SMPDL3B: variants seen among roughly 807,000 people sequenced by gnomAD.
SMPDL3B encodes acid sphingomyelinase-like phosphodiesterase 3b.
In SMPDL3B, 31 loss-of-function variants were observed where a neutral mutation model predicts 37.9. The ratio of observed to expected loss-of-function variants is 0.82; its 90% CI spans 0.61 to 1.10. SMPDL3B has a LOEUF of 1.10. Ranked by LOEUF, SMPDL3B falls within the 50% of genes least tolerant of loss-of-function variation. SMPDL3B has a pLI of 0.00. For missense variants in SMPDL3B, 525 were observed against 597.8 expected (o/e 0.88, Z 1.27); for synonymous variants, 235 against 242.6 (o/e 0.97, Z 0.29).
intron 1 of SMPDL3B, among the ~76,000 whole-genome samples, chr1:27,939,405 C>T (rs1165336523): frequency 6.6e-6 from 1 of 152,020 alleles, no homozygotes; most frequent in Non-Finnish European, 1.5e-5. Flanking sequence ...GGCTGGAGTG[C>T]GGTGCTGCAA....
Position 27,946,478 on chromosome 1 carries a change from C to A in SMPDL3B, c.275+1033C>A, listed in dbSNP as rs370691158. The stretch of plus-strand genomic sequence containing the variant: ...TGCTAGGGATCTGAGATGATGGACA[C>A]CCACACTTGGCTCCAAGGAGCTCAC... On this transcript the variant is annotated intron_variant, in intron 2 of 7. Transcript: ENST00000373894. Among the ~76,000 whole-genome samples, 25 of 152,302 alleles carry A rather than the reference C, an allele frequency of 1.6e-4. No individual in the cohort carries two copies. The South Asian group carries it at 4.6e-3, about 28-fold the overall frequency.
chr1:27,949,191 G>A (rs2090435133), intron 3 of SMPDL3B, 29 bp downstream of exon 3: 1 of 1,612,456 alleles, frequency 6.2e-7, no homozygotes, highest in African/African-American at 1.3e-5. Flanking sequence ...TCCCTCCACA[G>A]TGTTCTCGGA....
intron 2 of SMPDL3B, among the ~76,000 whole-genome samples, chr1:27,946,361 A>G (rs950690571): frequency 1.3e-4 from 19 of 151,880 alleles, no homozygotes; most frequent in Non-Finnish European, 7.4e-5. Flanking sequence ...CTCAAAAAAA[A>G]AAAAGAAAGA....
In SMPDL3B at chr1:27,955,711, G is replaced by T. The variant is rs1226534693; in HGVS notation, c.718G>T (p.Gly240Trp). Residue 240 changes from glycine (G) to tryptophan (W), a missense_variant, in exon 6 of 8, where the codon GGG (glycine) becomes TGG (tryptophan). Transcript: ENST00000373894. ...GTACATTGTCGGCCACGTGCCCCCG[G>T]GGTTCTTTGAGAAGACGCAAAACAA... ...MVYIVGHVPP[G>W]FFEKTQNKAW... 1 of 1,614,066 alleles carries T rather than the reference G, an allele frequency of 6.2e-7. No individual in the cohort carries two copies. Among genetic ancestry groups the T allele is most frequent in the Non-Finnish European group, 8.5e-7 (1 of 1,180,020 alleles).
intron 1 of SMPDL3B, among the ~76,000 whole-genome samples, chr1:27,941,307 A>C (rs886450958): frequency 6.6e-6 from 1 of 152,210 alleles, no homozygotes; most frequent in Non-Finnish European, 1.5e-5. Flanking sequence ...TGCAGTGGGC[A>C]TAAGAATCCC....
At chr1:27,947,123 G>A (rs1280514994) in intron 2 of SMPDL3B, among the ~76,000 whole-genome samples, 1 of 150,182 alleles carries the variant, frequency 6.7e-6, no homozygotes, top group Non-Finnish European at 1.5e-5. Flanking sequence ...CACAATCTCC[G>A]CCTCCTGGGT....
rs1638252833 is a variant in SMPDL3B at position 27,955,988 on chromosome 1, C to T, written c.911C>T (p.Thr304Ile). The T allele has an allele frequency of 1.2e-6, 2 of 1,614,134 alleles. No homozygotes were observed. The highest frequency in any genetic ancestry group is 1.6e-4 in the Middle Eastern group (1 of 6,062). The change falls in exon 7 of 8, where the codon ACC becomes ATC. Residue 304 changes from threonine (T) to isoleucine (I), a missense_variant. Physicochemically the swap from Thr to Ile is moderately conservative, Grantham distance 89 (BLOSUM62 -1). Coordinates refer to ENST00000373894, the MANE Select transcript of SMPDL3B (RefSeq NM_014474.4). ...GCCATGTTCATCACACCTGGAGTCA[C>T]CCCATGGAAAACCACATTACCTGGA... ...ISAMFITPGV[T>I]PWKTTLPGVV...
chr1:27,944,094 C>G (rs189538824), intron 1 of SMPDL3B, among the ~76,000 whole-genome samples: 2 of 150,658 alleles, frequency 1.3e-5, no homozygotes, highest in Admixed American at 6.6e-5. Flanking sequence ...TCACCTGTTT[C>G]TTTGGATTCC....
intron 2 of SMPDL3B, among the ~76,000 whole-genome samples, chr1:27,948,311 A>G (rs533507610): frequency 6.6e-6 from 1 of 152,346 alleles, no homozygotes; most frequent in South Asian, 2.1e-4. Context: ...TGCCTGGCAG[A>G]AAGTCAGCCG....
At chr1:27,957,059 G>A (rs944987768) in intron 7 of SMPDL3B, among the ~76,000 whole-genome samples, 6 of 152,138 alleles carry the variant, frequency 3.9e-5, no homozygotes, top group African/African-American at 7.2e-5. Flanking sequence ...GGGGAGGTCC[G>A]ATCTTGCAGG....
At chr1:27,953,444 T>A in intron 4 of SMPDL3B, 86 bp downstream of exon 4, 1 of 1,212,768 alleles carries the variant, frequency 8.2e-7, no homozygotes, top group Non-Finnish European at 1.1e-6. Flanking sequence ...TTAGAATAAG[T>A]ACTGATTTTA....
intron 3 of SMPDL3B, among the ~76,000 whole-genome samples, chr1:27,950,136 G>T (rs4614288): frequency 0.25 from 37,298 of 151,970 alleles, 4,635 homozygotes; most frequent in Admixed American, 0.27. Context: ...TGCCCTTACT[G>T]TCTGTTCCCG....
At position 27,955,956 on chromosome 1, in the gene SMPDL3B, C is replaced by G; in HGVS notation, c.879C>G (p.Pro293=). ...FRMLYDDAGV[P]ISAMFITPGV... Reference sequence around the variant, plus strand: ...CTGTCTCTCTCCTGACAGGTGTCCCCATAAGCGCCATGTTCATCACACCTG... The same window carrying G: ...CTGTCTCTCTCCTGACAGGTGTCCCGATAAGCGCCATGTTCATCACACCTG... Residue 293 remains proline (P), a synonymous_variant, in exon 7 of 8, where the codon CCC becomes CCG. Coordinates refer to ENST00000373894, the MANE Select transcript of SMPDL3B (RefSeq NM_014474.4). The G allele has an allele frequency of 3.1e-6, 5 of 1,614,034 alleles. No homozygotes were observed. The highest frequency in any genetic ancestry group is 3.4e-6 in the Non-Finnish European group (4 of 1,179,978).
Position 27,959,054 on chromosome 1 carries a change from C to A in SMPDL3B, c.*216C>A. ...AGCCAGACTCTCTCCAAAAACAAAC[C>A]AGAAACAGAAAAGAAATGACGACCC... On this transcript the variant is annotated 3_prime_UTR_variant, in exon 8 of 8. Coordinates refer to ENST00000373894, the MANE Select transcript of SMPDL3B (RefSeq NM_014474.4). 1.8e-6 allele frequency: 1 copy of A among 563,710 alleles called. No individual in the cohort carries two copies. Among genetic ancestry groups the A allele is most frequent in the Non-Finnish European group, 3.1e-6 (1 of 321,566 alleles). The allele number at this position is 563,710 out of a possible 1,614,324, so 34.9% of individuals were successfully genotyped here. A position where few individuals can be genotyped will look rare whatever the true frequency, so the allele number is the denominator to read the frequency against.
chr1:27,950,291 A>G (rs989419348), intron 3 of SMPDL3B, among the ~76,000 whole-genome samples: 1 of 152,160 alleles, frequency 6.6e-6, no homozygotes, highest in Non-Finnish European at 1.5e-5. Flanking sequence ...CCTGACCCCA[A>G]CAGCAGGCAC....
chr1:27,948,967 G>A, intron 2 of SMPDL3B, 98 bp from the exon 3 acceptor site: 1 of 1,580,810 alleles, frequency 6.3e-7, no homozygotes, highest in Non-Finnish European at 8.6e-7. Flanking sequence ...CTGAGGCCCA[G>A]GTCCATAGGT....
At chr1:27,942,026 CACAT>C (rs1465057505) in intron 1 of SMPDL3B, among the ~76,000 whole-genome samples, 2 of 152,142 alleles carry the variant, frequency 1.3e-5, no homozygotes, top group African/African-American at 2.4e-5. Context: ...CACGCACACA[CACAT>C]AAACACACAT....
chr1:27,951,865 G>A (rs2090458024), intron 3 of SMPDL3B, among the ~76,000 whole-genome samples: 1 of 152,166 alleles, frequency 6.6e-6, no homozygotes, highest in Non-Finnish European at 1.5e-5. Flanking sequence ...CCCAATTCTA[G>A]CTCTGGTATG....
intron 4 of SMPDL3B, 43 bp from the exon 5 acceptor site, chr1:27,954,311 C>T (rs2090479142): frequency 1.3e-6 from 2 of 1,577,180 alleles, no homozygotes; most frequent in South Asian, 2.3e-5. Context: ...GCCTGTCTGG[C>T]CAGAGGTGGG....
Sources: allele counts gnomAD v4.1 joint callset (sites outside exome capture counted in the v4.1 genomes callset), GRCh38; gene constraint gnomAD v4.1.1; transcripts MANE v1.5; gene names NCBI Gene and HGNC (gene_info 2026-07-23, HGNC 2026-07-21).